JARID2: variants seen among roughly 807,000 people sequenced by gnomAD.
JARID2 encodes the protein jumonji and AT-rich interaction domain containing 2, also known as protein Jumonji.
Under a neutral mutation model 125.6 loss-of-function variants are expected in JARID2, and 21 were observed. The observed-to-expected ratio is 0.17, with a 90% CI of 0.12 to 0.24. The LOEUF is 0.24. Ranked by LOEUF, JARID2 falls within the 10% of genes least tolerant of loss-of-function variation. The pLI is 1.00. For synonymous variants in JARID2, 736 were observed against 661.6 expected (o/e 1.11, Z -1.73); for missense variants, 1,303 against 1,639.6 (o/e 0.79, Z 3.55).
chr6:15,425,519 T>C (rs1319728636), intron 3 of JARID2, among the ~76,000 whole-genome samples: 2 of 152,168 alleles, frequency 1.3e-5, no homozygotes, highest in Non-Finnish European at 2.9e-5. Flanking sequence ...CTGCACCCTC[T>C]TGAGTGGATT....
intron 5 of JARID2, among the ~76,000 whole-genome samples, chr6:15,474,982 A>C (rs1769270681): frequency 1.3e-5 from 2 of 152,234 alleles, no homozygotes; most frequent in Admixed American, 1.3e-4. Flanking sequence ...CCAGTCGTTT[A>C]CACAAGAATC....
chr6:15,455,688 C>T (rs768039887), intron 4 of JARID2, among the ~76,000 whole-genome samples: 11 of 152,080 alleles, frequency 7.2e-5, no homozygotes, highest in South Asian at 4.1e-4. Context: ...CCCACCACTA[C>T]GCCTGGCTAA....
At chr6:15,409,234 A>G (rs1182862216) in intron 2 of JARID2, among the ~76,000 whole-genome samples, 1 of 152,228 alleles carries the variant, frequency 6.6e-6, no homozygotes, top group African/African-American at 2.4e-5. Flanking sequence ...TGAAGTGTGC[A>G]TAAAATTGGT....
Position 15,507,269 on chromosome 6 carries a change from T to C in JARID2, c.2660+15T>C. On this transcript the variant is annotated intron_variant, in intron 10 of 17. Coordinates refer to ENST00000341776, the MANE Select transcript of JARID2 (RefSeq NM_004973.4). ...CCCTTTTCGAGGTAACCTGGGATTC[T>C]CTCGTCCAGGTTCTTGGGGATGTGA... is the stretch of plus-strand genomic sequence containing the variant. The C allele has an allele frequency of 6.2e-7, 1 of 1,600,652 alleles. No homozygotes were observed. Among genetic ancestry groups the C allele is most frequent in the Non-Finnish European group, 8.6e-7 (1 of 1,167,698 alleles).
chr6:15,306,744 T>A (rs1003108962), intron 1 of JARID2, among the ~76,000 whole-genome samples: 3 of 151,520 alleles, frequency 2.0e-5, no homozygotes, highest in African/African-American at 4.8e-5. Flanking sequence ...TACTTAAAAA[T>A]TTTTTTTGAC....
At chr6:15,410,128 G>T (rs954264078) in intron 2 of JARID2, 96 bp from the exon 3 acceptor site, 1 of 1,141,664 alleles carries the variant, frequency 8.8e-7, no homozygotes, top group Non-Finnish European at 1.2e-6. Context: ...CCACATTCTT[G>T]TCTGTCTTCA....
intron 2 of JARID2, among the ~76,000 whole-genome samples, chr6:15,398,895 G>A (rs1234037815): frequency 6.6e-6 from 1 of 152,096 alleles, no homozygotes; most frequent in Non-Finnish European, 1.5e-5. Context: ...ATGTCTCGGC[G>A]TTTCTACTTT....
At chr6:15,362,219 A>T (rs777037200) in intron 1 of JARID2, among the ~76,000 whole-genome samples, 10 of 152,006 alleles carry the variant, frequency 6.6e-5, no homozygotes, top group Non-Finnish European at 1.2e-4. Flanking sequence ...TGTCGAAAAT[A>T]TATCAGTTTA....
At position 15,382,439 on chromosome 6, in the gene JARID2, G is replaced by A. The variant is rs182060238; in HGVS notation, c.181+8187G>A. 4.5e-3 allele frequency among the ~76,000 whole-genome samples: 685 copies of A among 152,228 alleles called. 4 individuals are homozygous for A. Among genetic ancestry groups the A allele is most frequent in the Middle Eastern group, 0.014 (4 of 294 alleles). ...TGAGCAAGACCTTGGGGTGGCAGGG[G>A]TCAGCAAATATTTGACTGGTCTGTT... On this transcript the variant is annotated intron_variant, in intron 2 of 17. Transcript: ENST00000341776.
At chr6:15,413,816 A>G (rs1766008945) in intron 3 of JARID2, among the ~76,000 whole-genome samples, 1 of 152,114 alleles carries the variant, frequency 6.6e-6, no homozygotes, top group Non-Finnish European at 1.5e-5. Flanking sequence ...AGATAGTGAC[A>G]TTATTCCGTT....
intron 1 of JARID2, among the ~76,000 whole-genome samples, chr6:15,338,266 T>G (rs902188700): frequency 2.0e-5 from 3 of 152,194 alleles, no homozygotes; most frequent in Admixed American, 6.5e-5. Context: ...ATTCCCTGTC[T>G]TTCAGAATGG....
At chr6:15,295,305 TAG>T (rs1388386968) in intron 1 of JARID2, among the ~76,000 whole-genome samples, 2 of 151,986 alleles carry the variant, frequency 1.3e-5, no homozygotes, top group Non-Finnish European at 2.9e-5. Flanking sequence ...GTATTTTTAG[TAG>T]AGACGGGATT....
In JARID2 at chr6:15,321,707, T is replaced by A. The variant is rs539099762; in HGVS notation, c.46-52410T>A. Among the ~76,000 whole-genome samples, 67 of 152,160 alleles carry A rather than the reference T, an allele frequency of 4.4e-4. 2 individuals carry two copies. In the South Asian group the frequency reaches 0.013, roughly 30 times the overall value. ...ACAAGAACAAACAACAGAAATGCTT[T>A]CTTTGAAGATATGAGACTTCAATAA... On this transcript the variant is annotated intron_variant, in intron 1 of 17. Coordinates refer to ENST00000341776, the MANE Select transcript of JARID2 (RefSeq NM_004973.4).
chr6:15,416,384 C>A (rs1766212399), intron 3 of JARID2, among the ~76,000 whole-genome samples: 1 of 152,224 alleles, frequency 6.6e-6, no homozygotes, highest in Admixed American at 6.5e-5. Flanking sequence ...CCACTGCACT[C>A]CAGCCTGGGC....
chr6:15,382,727 A>C (rs1040783317), intron 2 of JARID2, among the ~76,000 whole-genome samples: 2 of 152,234 alleles, frequency 1.3e-5, no homozygotes, highest in African/African-American at 4.8e-5. Flanking sequence ...GTGAGGCGCC[A>C]CGCTTCCTAG....
intron 1 of JARID2, among the ~76,000 whole-genome samples, chr6:15,304,215 C>T (rs751400215): frequency 6.6e-6 from 1 of 150,890 alleles, no homozygotes; most frequent in Middle Eastern, 3.2e-3. Flanking sequence ...CTGCCCATCT[C>T]GCTGCGCAGC....
At chr6:15,462,360 G>A (rs1375106246) in intron 4 of JARID2, among the ~76,000 whole-genome samples, 2 of 152,210 alleles carry the variant, frequency 1.3e-5, no homozygotes, top group African/African-American at 2.4e-5. Flanking sequence ...GTCTTTTAGG[G>A]AAGTTTGTGT....
At chr6:15,511,572 G>T (rs1187005825) in intron 13 of JARID2, among the ~76,000 whole-genome samples, 171 bp downstream of exon 13, 1 of 152,232 alleles carries the variant, frequency 6.6e-6, no homozygotes, top group Non-Finnish European at 1.5e-5. Context: ...CCTTCCATCA[G>T]ATTGCACAGG....
intron 1 of JARID2, among the ~76,000 whole-genome samples, chr6:15,280,088 A>G (rs989513007): frequency 2.0e-5 from 3 of 152,094 alleles, no homozygotes; most frequent in East Asian, 3.8e-4. Flanking sequence ...CCCATTGTCT[A>G]CTTTCTTCTG....
Sources: gnomAD v4.1 joint callset for allele counts (sites outside exome capture counted in the v4.1 genomes callset) on GRCh38, gnomAD v4.1.1 for gene constraint, MANE v1.5 for transcripts, NCBI Gene and HGNC (gene_info 2026-07-23, HGNC 2026-07-21) for gene names.